Variants in KLF12 observed in about 807,000 individuals in gnomAD.
KLF12 encodes the protein Krueppel-like factor 12.
A neutral mutation model predicts 37.8 loss-of-function variants in KLF12; 9 were observed. The ratio of observed to expected loss-of-function variants is 0.24; its 90% CI spans 0.14 to 0.42. The LOEUF (loss-of-function observed/expected upper bound fraction) is 0.42, where lower values mean the gene tolerates loss of function less well. Ranked by LOEUF, KLF12 falls within the 10% of genes least tolerant of loss-of-function variation. The probability of loss-of-function intolerance (pLI) is 1.00; values close to 1 mark genes in which losing one functional copy is unlikely to be tolerated. For missense variants in KLF12, 411 were observed against 516.0 expected (o/e 0.80, Z 1.97); for synonymous variants, 208 against 202.1 (o/e 1.03, Z -0.25).
chr13:73,992,328 A>T (rs1891990446), intron 2 of KLF12, among the ~76,000 whole-genome samples: 1 of 152,244 alleles, frequency 6.6e-6, no homozygotes, highest in African/African-American at 2.4e-5. Flanking sequence ...GGACAACAGG[A>T]ATCTTTTTAG....
chr13:73,880,928 T>C (rs952457229), intron 3 of KLF12, among the ~76,000 whole-genome samples: 3 of 152,212 alleles, frequency 2.0e-5, no homozygotes, highest in Non-Finnish European at 2.9e-5. Flanking sequence ...GAAGTTATTA[T>C]TGCATTAGAA....
At chr13:74,125,790 C>A (rs1298554134) in intron 1 of KLF12, among the ~76,000 whole-genome samples, 4 of 152,122 alleles carry the variant, frequency 2.6e-5, no homozygotes, top group Admixed American at 6.5e-5. Flanking sequence ...ATATGATCTA[C>A]AACAAATATA....
chr13:73,848,873 T>C (rs1357384158), intron 3 of KLF12, among the ~76,000 whole-genome samples: 1 of 152,140 alleles, frequency 6.6e-6, no homozygotes, highest in Non-Finnish European at 1.5e-5. Context: ...TCCTTTTTCA[T>C]ATGTGGCAGC....
intron 5 of KLF12, chr13:73,800,730 G>C (rs2138341271): frequency 6.6e-6 from 1 of 152,032 alleles, no homozygotes; most frequent in South Asian, 2.1e-4. Context: ...TTAAAATAAT[G>C]CATCCAGTTT....
At chr13:73,765,042 T>C (rs1879819689) in intron 5 of KLF12, 42 bp from the exon 6 acceptor site, 3 of 1,192,530 alleles carry the variant, frequency 2.5e-6, no homozygotes, top group Admixed American at 2.2e-5. Flanking sequence ...AAAAAGCATA[T>C]TCCCAATTGC....
At chr13:74,106,995 A>C (rs1876686692) in intron 1 of KLF12, among the ~76,000 whole-genome samples, 1 of 152,178 alleles carries the variant, frequency 6.6e-6, no homozygotes, top group African/African-American at 2.4e-5. Context: ...ACAGAAGTTT[A>C]TTTATCACAG....
At chr13:74,194,098 G>A in the KLF12 span, among the ~76,000 whole-genome samples, 13 of 152,154 alleles carry the variant, frequency 8.5e-5, no homozygotes, top group Non-Finnish European at 2.9e-5. Flanking sequence ...AGGAAGAATG[G>A]GAGAAGGGAG....
At chr13:74,157,668 TA>T in the KLF12 span, among the ~76,000 whole-genome samples, 2 of 152,230 alleles carry the variant, frequency 1.3e-5, no homozygotes, top group African/African-American at 4.8e-5. Context: ...TCCTGGGATG[TA>T]CCCCAGACCA....
chr13:74,260,762 G>A, the KLF12 span, among the ~76,000 whole-genome samples: 1 of 151,962 alleles, frequency 6.6e-6, no homozygotes, highest in East Asian at 1.9e-4. Context: ...AAATGTGTAG[G>A]AATGCTGGGA....
At chr13:74,286,089 A>G in the KLF12 span, among the ~76,000 whole-genome samples, 1 of 152,232 alleles carries the variant, frequency 6.6e-6, no homozygotes, top group Non-Finnish European at 1.5e-5. Flanking sequence ...GGATAACTGA[A>G]GATAAACATG....
chr13:74,007,718 T>G (rs975451237), intron 1 of KLF12, among the ~76,000 whole-genome samples: 4 of 151,932 alleles, frequency 2.6e-5, no homozygotes, highest in African/African-American at 9.7e-5. Context: ...TAGCAGAAAA[T>G]ATGAAGAATA....
At chr13:73,865,994 G>A (rs9600180) in intron 3 of KLF12, among the ~76,000 whole-genome samples, 10,650 of 152,246 alleles carry the variant, frequency 0.07, 575 homozygotes, top group African/African-American at 0.14. Context: ...AGTGGCTCAC[G>A]CCTATAATCC....
At chr13:73,933,925 C>T (rs1019219439) in intron 3 of KLF12, among the ~76,000 whole-genome samples, 28 of 152,102 alleles carry the variant, frequency 1.8e-4, no homozygotes, top group African/African-American at 6.0e-4. Context: ...ATATTCACAA[C>T]GCTGTATAAC....
chr13:73,897,080 G>C (rs2139058056), intron 3 of KLF12, among the ~76,000 whole-genome samples: 1 of 149,152 alleles, frequency 6.7e-6, no homozygotes, highest in Admixed American at 6.8e-5. Flanking sequence ...CCATACTTAA[G>C]CTCTAAATTT....
the KLF12 span, among the ~76,000 whole-genome samples, chr13:74,224,768 G>A: frequency 2.6e-5 from 4 of 152,012 alleles, no homozygotes; most frequent in African/African-American, 9.7e-5. Flanking sequence ...AAATTATAAA[G>A]AACATATTAA....
chr13:74,125,154 A>AATAT (rs1555274240), intron 1 of KLF12, among the ~76,000 whole-genome samples: 3 of 143,286 alleles, frequency 2.1e-5, no homozygotes, highest in African/African-American at 7.7e-5. Context: ...CAAAAAAAAA[A>AATAT]ATATATATAT....
chr13:73,876,705 A>T (rs978175947), intron 3 of KLF12, among the ~76,000 whole-genome samples: 2 of 152,086 alleles, frequency 1.3e-5, no homozygotes, highest in Admixed American at 6.5e-5. Context: ...TCTGATTTCT[A>T]AAAAATGACA....
chr13:73,898,866 C>T (rs191727329), intron 3 of KLF12, among the ~76,000 whole-genome samples: 1 of 152,210 alleles, frequency 6.6e-6, no homozygotes, highest in Non-Finnish European at 1.5e-5. Context: ...GGTGAGGACA[C>T]AGCCCACACT....
intron 7 of KLF12, among the ~76,000 whole-genome samples, chr13:73,700,521 T>G (rs1239069349): frequency 6.6e-6 from 1 of 151,940 alleles, no homozygotes; most frequent in African/African-American, 2.4e-5. Flanking sequence ...CTATGCATAA[T>G]ATTCTTCGCT....
Sources: allele counts gnomAD v4.1 joint callset (sites outside exome capture counted in the v4.1 genomes callset), GRCh38; gene constraint gnomAD v4.1.1; transcripts MANE v1.5; gene names NCBI Gene and HGNC (gene_info 2026-07-23, HGNC 2026-07-21).